SCMH1: variants seen among roughly 807,000 people sequenced by gnomAD.
SCMH1 encodes polycomb protein SCMH1.
SCMH1 carries 37 observed loss-of-function variants against 70.8 expected under a neutral mutation model. The observed-to-expected ratio is 0.52, with a 90% CI of 0.40 to 0.69. The LOEUF is 0.69. Among genes scored for constraint, SCMH1 ranks in the 30% least tolerant of loss-of-function variants. SCMH1 has a pLI of 0.00. For synonymous variants in SCMH1, 292 were observed against 307.4 expected (o/e 0.95, Z 0.52); for missense variants, 607 against 827.3 (o/e 0.73, Z 3.27).
In SCMH1 at chr1:41,086,044, T is replaced by C. The variant is rs577815853; in HGVS notation, c.746-10593A>G. Among the ~76,000 whole-genome samples, 161 of 152,154 alleles carry C rather than the reference T, an allele frequency of 1.1e-3. 1 individual carries two copies. The South Asian group carries it at 0.021, about 20-fold the overall frequency. ...TTAGTAGAGATAGGGTTTCACCACATTGGCCAGGATGGTCTCGATCTCCTG... is the reference window on the plus strand; with the variant it reads ...TTAGTAGAGATAGGGTTTCACCACACTGGCCAGGATGGTCTCGATCTCCTG... On this transcript the variant is annotated intron_variant, in intron 8 of 14. Coordinates refer to ENST00000337495, the Ensembl canonical transcript of SCMH1.
At chr1:41,208,726 G>C (rs533186741) in intron 1 of SCMH1, among the ~76,000 whole-genome samples, 1 of 152,146 alleles carries the variant, frequency 6.6e-6, no homozygotes, top group African/African-American at 2.4e-5. Context: ...CACATTTAAA[G>C]CAGTGTGTTG....
At chr1:41,214,604 A>G (rs562040732) in intron 1 of SCMH1, among the ~76,000 whole-genome samples, 2 of 152,176 alleles carry the variant, frequency 1.3e-5, no homozygotes, top group Non-Finnish European at 2.9e-5. Context: ...CAAGATGGCT[A>G]GGACAACTGT....
chr1:41,135,565 A>G (rs1643157326), intron 6 of SCMH1, among the ~76,000 whole-genome samples: 1 of 152,144 alleles, frequency 6.6e-6, no homozygotes, highest in Non-Finnish European at 1.5e-5. Context: ...AGGCCTCCCT[A>G]GCCATGCTGA....
chr1:41,143,076 T>C, exon 6 of SCMH1: 1 of 1,614,116 alleles, frequency 6.2e-7, no homozygotes. Flanking sequence ...TCCAATTTCA[T>C]ACTGATCTTG....
intron 10 of SCMH1, among the ~76,000 whole-genome samples, chr1:41,050,823 G>C (rs1047523178): frequency 6.6e-6 from 1 of 152,010 alleles, no homozygotes; most frequent in African/African-American, 2.4e-5. Flanking sequence ...CCTAATAATC[G>C]GCAGAGTTGG....
At chr1:41,180,838 A>C (rs1440942981) in intron 2 of SCMH1, among the ~76,000 whole-genome samples, 1 of 152,194 alleles carries the variant, frequency 6.6e-6, no homozygotes, top group African/African-American at 2.4e-5. Flanking sequence ...ACAGAATTGG[A>C]AAAAACTACT....
At chr1:41,054,573 G>C (rs1016176639) in intron 10 of SCMH1, among the ~76,000 whole-genome samples, 1 of 152,174 alleles carries the variant, frequency 6.6e-6, no homozygotes, top group Non-Finnish European at 1.5e-5. Flanking sequence ...AGACTCTCAG[G>C]CCTAAAAGGT....
chr1:41,113,387 C>T lies in SCMH1; in HGVS notation c.641G>A (p.Trp214Ter), dbSNP rs1669704770. The T allele has an allele frequency of 1.9e-6, 3 of 1,613,954 alleles. No individual in the cohort carries two copies. ...GCACCAGTAGTCAAAGGCCCCTCGC[C>T]ACCCATCAAAAGTGACAAGCACCTC... The change falls in exon 8 of 15, where the codon TGG (tryptophan) becomes TAG (stop). Residue 214 changes from tryptophan (W) to a stop codon, truncating the protein, a stop_gained. Coordinates refer to ENST00000337495, the Ensembl canonical transcript of SCMH1. LOFTEE classifies it high-confidence loss of function. This position sits in a 1 kb window ranked among gnomAD's most constrained non-coding sequence, Gnocchi z 4.3.
intron 10 of SCMH1, among the ~76,000 whole-genome samples, chr1:41,064,845 T>C (rs920195876): frequency 2.0e-5 from 3 of 151,784 alleles, no homozygotes; most frequent in Non-Finnish European, 4.4e-5. Context: ...TGCCCAGGAG[T>C]TTGAGGCTGC....
chr1:41,239,260 A>G (rs910934188), intron 1 of SCMH1, among the ~76,000 whole-genome samples: 1 of 152,208 alleles, frequency 6.6e-6, no homozygotes, highest in Non-Finnish European at 1.5e-5. Context: ...GTGGTTCTCT[A>G]CGCAAGCCAT....
intron 5 of SCMH1, among the ~76,000 whole-genome samples, chr1:41,146,545 ATTT>A (rs111892459): frequency 1.0e-3 from 152 of 147,260 alleles, no homozygotes; most frequent in African/African-American, 3.4e-3. Flanking sequence ...TTTATACCAT[ATTT>A]TTTTTTTTAC....
At chr1:41,229,573 C>T (rs1445036976) in intron 1 of SCMH1, among the ~76,000 whole-genome samples, 1 of 152,066 alleles carries the variant, frequency 6.6e-6, no homozygotes, top group African/African-American at 2.4e-5. Context: ...GGGAACAGCA[C>T]ACACCAGGGC....
At chr1:41,074,939 T>C (rs1408201039) in intron 9 of SCMH1, among the ~76,000 whole-genome samples, 2 of 152,200 alleles carry the variant, frequency 1.3e-5, no homozygotes, top group East Asian at 3.9e-4. Context: ...CTCCGCTCAC[T>C]GCAAGCTCCA....
At chr1:41,132,623 G>C (rs1021472920) in intron 6 of SCMH1, among the ~76,000 whole-genome samples, 1 of 152,186 alleles carries the variant, frequency 6.6e-6, no homozygotes, top group Non-Finnish European at 1.5e-5. Context: ...CTTTGCCCAT[G>C]CCTATGTCCT....
intron 2 of SCMH1, among the ~76,000 whole-genome samples, chr1:41,172,859 T>C (rs916261197): frequency 1.3e-5 from 2 of 152,112 alleles, no homozygotes; most frequent in Non-Finnish European, 2.9e-5. Context: ...CCTCAATAAA[T>C]AGTGCTGGGA....
chr1:41,195,734 G>A (rs1383190976), intron 1 of SCMH1, among the ~76,000 whole-genome samples: 1 of 152,048 alleles, frequency 6.6e-6, no homozygotes, highest in Non-Finnish European at 1.5e-5. Flanking sequence ...GCAAGAAAAA[G>A]GAATTAAAGG....
intron 6 of SCMH1, among the ~76,000 whole-genome samples, chr1:41,120,761 CTG>C (rs1671725084): frequency 6.6e-6 from 1 of 152,168 alleles, no homozygotes; most frequent in East Asian, 1.9e-4. Context: ...GATGATGAAA[CTG>C]AAGTCCAGAG....
intron 10 of SCMH1, among the ~76,000 whole-genome samples, chr1:41,058,970 G>T (rs917729259): frequency 6.6e-6 from 1 of 152,224 alleles, no homozygotes; most frequent in Non-Finnish European, 1.5e-5. Flanking sequence ...GTTGCAGCTG[G>T]TGTGTCCTTG....
intron 1 of SCMH1, among the ~76,000 whole-genome samples, chr1:41,195,170 T>C (rs1341142346): frequency 3.5e-5 from 2 of 57,102 alleles, no homozygotes; most frequent in Non-Finnish European, 7.3e-5. Context: ...GGCCAGATAA[T>C]AAATATTTGC....
Sources: gnomAD v4.1 joint callset for allele counts (sites outside exome capture counted in the v4.1 genomes callset) on GRCh38, gnomAD v4.1.1 for gene constraint, Gnocchi (gnomAD v3.1) non-coding constraint, MANE v1.5 for transcripts, NCBI Gene and HGNC (gene_info 2026-07-23, HGNC 2026-07-21) for gene names.